Variants in NMNAT2 observed in about 807,000 individuals in gnomAD.
NMNAT2 encodes the protein nicotinamide/nicotinic acid mononucleotide adenylyltransferase 2.
A neutral mutation model predicts 41.6 loss-of-function variants in NMNAT2; 11 were observed. The ratio of observed to expected loss-of-function variants is 0.26; its 90% CI spans 0.17 to 0.44. NMNAT2 has a LOEUF of 0.44. Among genes scored for constraint, NMNAT2 ranks in the 20% least tolerant of loss-of-function variants. The pLI, the probability that NMNAT2 is intolerant of heterozygous loss-of-function variation, is 1.00. For synonymous variants in NMNAT2, 148 were observed against 151.2 expected (o/e 0.98, Z 0.16); for missense variants, 288 against 407.7 (o/e 0.71, Z 2.53).
At chr1:183,286,219 G>A (rs779186014) in intron 5 of NMNAT2, among the ~76,000 whole-genome samples, 1 of 152,076 alleles carries the variant, frequency 6.6e-6, no homozygotes, top group Non-Finnish European at 1.5e-5. Flanking sequence ...CTACAGGTGT[G>A]TGCCACCATG....
At chr1:183,395,335 G>A (rs917115713) in intron 1 of NMNAT2, among the ~76,000 whole-genome samples, 2 of 151,502 alleles carry the variant, frequency 1.3e-5, no homozygotes, top group African/African-American at 2.4e-5. Context: ...CCACATCAAG[G>A]GATTTAGAGT....
intron 1 of NMNAT2, among the ~76,000 whole-genome samples, chr1:183,326,417 C>T (rs568058418): frequency 4.6e-4 from 64 of 139,908 alleles, no homozygotes; most frequent in African/African-American, 1.7e-3. Flanking sequence ...GGGAAGAGAA[C>T]TATTTAGATA....
Position 183,418,357 on chromosome 1 carries a change from C to T in NMNAT2, c.-90G>A. The T allele has an allele frequency of 7.7e-7, 1 of 1,297,964 alleles. No homozygotes were observed. Among genetic ancestry groups the T allele is most frequent in the Non-Finnish European group, 1.1e-6 (1 of 897,614 alleles). The allele number at this position is 1,297,964 out of a possible 1,614,324, so 80.4% of individuals were successfully genotyped here. ...CAGAGGGAGAAAGGAAGGCGAGGCTCCGGCGGTGGATGCTGTGGACTCCAA... is the reference window on the plus strand; with the variant it reads ...CAGAGGGAGAAAGGAAGGCGAGGCTTCGGCGGTGGATGCTGTGGACTCCAA... On this transcript the variant is annotated 5_prime_UTR_variant, in exon 1 of 11. Transcript: ENST00000287713.
intron 1 of NMNAT2, among the ~76,000 whole-genome samples, chr1:183,383,767 G>A (rs1663853889): frequency 3.3e-5 from 5 of 152,154 alleles, no homozygotes; most frequent in Admixed American, 2.6e-4. Context: ...ATCTCCATCT[G>A]AGATCTCCTC....
In NMNAT2 at chr1:183,248,602, C is replaced by T. The variant is rs1320673628; in HGVS notation, c.*4039G>A. 6.6e-6 allele frequency: 1 copy of T among 152,212 alleles called. No individual in the cohort carries two copies. Among genetic ancestry groups the T allele is most frequent in the African/African-American group, 2.4e-5 (1 of 41,446 alleles). The allele number at this position is 152,212 out of a possible 1,614,324, so 9.4% of individuals were successfully genotyped here. A position where few individuals can be genotyped will look rare whatever the true frequency, so the allele number is the denominator to read the frequency against. On this transcript the variant is annotated 3_prime_UTR_variant, in exon 11 of 11. Transcript: ENST00000287713. ...CTCCAAACTCACACTACAAAGAGAC[C>T]ACATGAACAGTCGAGTGTGCTGGGC...
chr1:183,274,910 TAG>T (rs1661086076), intron 8 of NMNAT2, among the ~76,000 whole-genome samples: 1 of 152,234 alleles, frequency 6.6e-6, no homozygotes, highest in African/African-American at 2.4e-5. Context: ...AGGAAGATGC[TAG>T]AGGTCTGTGG....
At chr1:183,309,259 CA>C (rs1337615302) in intron 1 of NMNAT2, among the ~76,000 whole-genome samples, 1 of 152,164 alleles carries the variant, frequency 6.6e-6, no homozygotes, top group East Asian at 1.9e-4. Context: ...CTTGGCCTCT[CA>C]AAGTGCTGGA....
Position 183,277,086 on chromosome 1 carries a change from G to A in NMNAT2, c.651+1467C>T, listed in dbSNP as rs188608069. 8.5e-5 allele frequency among the ~76,000 whole-genome samples: 13 copies of A among 152,200 alleles called. No individual in the cohort carries two copies. The East Asian group carries it at 1.7e-3, about 20-fold the overall frequency. ...AGCGTGACTGTATGTCAGGTGCTGGGGCTAGGCACTTTCAAAACAATACCA... is the reference window on the plus strand; with the variant it reads ...AGCGTGACTGTATGTCAGGTGCTGGAGCTAGGCACTTTCAAAACAATACCA... On this transcript the variant is annotated intron_variant, in intron 8 of 10. Coordinates refer to ENST00000287713, the MANE Select transcript of NMNAT2 (RefSeq NM_015039.4).
At chr1:183,387,571 C>T (rs530677830) in intron 1 of NMNAT2, among the ~76,000 whole-genome samples, 2 of 152,300 alleles carry the variant, frequency 1.3e-5, no homozygotes, top group South Asian at 2.1e-4. Context: ...TACTATGTTT[C>T]CACATCTATC....
chr1:183,378,145 A>G (rs1663718836), intron 1 of NMNAT2, among the ~76,000 whole-genome samples: 1 of 152,160 alleles, frequency 6.6e-6, no homozygotes, highest in Non-Finnish European at 1.5e-5. Flanking sequence ...TAACCCCAGC[A>G]CTTTGGGAGG....
chr1:183,306,872 C>T (rs574954387), intron 1 of NMNAT2, among the ~76,000 whole-genome samples: 154 of 152,242 alleles, frequency 1.0e-3, no homozygotes, highest in African/African-American at 3.5e-3. Flanking sequence ...GCTGCCAACT[C>T]TCATCCCTAG....
At chr1:183,333,796 C>T (rs1662630390) in intron 1 of NMNAT2, among the ~76,000 whole-genome samples, 1 of 152,190 alleles carries the variant, frequency 6.6e-6, no homozygotes, top group African/African-American at 2.4e-5. Context: ...ACATGGTGCT[C>T]CTTTTGGCTT....
chr1:183,299,886 C>T (rs764975461), intron 1 of NMNAT2, among the ~76,000 whole-genome samples: 2 of 152,116 alleles, frequency 1.3e-5, no homozygotes, highest in Admixed American at 6.5e-5. Context: ...GTTCTCATTT[C>T]GATATTCTAC....
At chr1:183,300,188 G>T (rs561765789) in intron 1 of NMNAT2, among the ~76,000 whole-genome samples, 1 of 152,144 alleles carries the variant, frequency 6.6e-6, no homozygotes, top group African/African-American at 2.4e-5. Flanking sequence ...CGTATCATGA[G>T]GTCAGGAGTT....
intron 1 of NMNAT2, among the ~76,000 whole-genome samples, chr1:183,359,982 A>G (rs1380715119): frequency 6.6e-6 from 1 of 152,150 alleles, no homozygotes; most frequent in Non-Finnish European, 1.5e-5. Context: ...TAAGTGTAAA[A>G]CATTGGATTT....
Position 183,286,741 on chromosome 1 carries a change from T to C in NMNAT2, c.369A>G (p.Thr123=). 6.2e-7 allele frequency: 1 copy of C among 1,611,706 alleles called. No individual in the cohort carries two copies. The highest frequency in any genetic ancestry group is 1.7e-5 in the Admixed American group (1 of 59,560). Residue 123 remains threonine, a synonymous_variant, in exon 5 of 11, where the codon ACA becomes ACG. Transcript: ENST00000287713. The part of the protein sequence containing the change: ...ILSNVNTPSM[T]PVIGQPQNET... ...CGTTTTGTGGCTGTCCGATCACAGG[T>C]GTCATGGAAGGTGTGTTGACATTGG...
intron 8 of NMNAT2, among the ~76,000 whole-genome samples, chr1:183,274,353 C>G (rs1661069827): frequency 1.3e-5 from 2 of 152,018 alleles, no homozygotes; most frequent in Admixed American, 6.5e-5. Context: ...GCTCTGTCAC[C>G]CAGGCTGGAG....
At chr1:183,403,607 A>T (rs1276422368) in intron 1 of NMNAT2, among the ~76,000 whole-genome samples, 1 of 152,252 alleles carries the variant, frequency 6.6e-6, no homozygotes, top group African/African-American at 2.4e-5. Context: ...AAGCAAGTGC[A>T]GTGCGAAGGG....
intron 1 of NMNAT2, among the ~76,000 whole-genome samples, chr1:183,332,770 G>T (rs1411394741): frequency 6.6e-6 from 1 of 152,166 alleles, no homozygotes; most frequent in Non-Finnish European, 1.5e-5. Flanking sequence ...AGCTTCCTTG[G>T]ATCTAGCAAT....
Sources: allele counts gnomAD v4.1 joint callset (sites outside exome capture counted in the v4.1 genomes callset), GRCh38; gene constraint gnomAD v4.1.1; transcripts MANE v1.5; gene names NCBI Gene and HGNC (gene_info 2026-07-23, HGNC 2026-07-21).